The following CACNA1G variants were observed in gnomAD, a reference collection of about 807,000 sequenced individuals.
CACNA1G encodes the protein calcium voltage-gated channel subunit alpha1 G, also known as voltage-dependent T-type calcium channel subunit alpha-1G.
In CACNA1G, 67 loss-of-function variants were observed where a neutral mutation model predicts 219.4. The observed-to-expected ratio is 0.31, with a 90% CI of 0.25 to 0.37. The LOEUF (loss-of-function observed/expected upper bound fraction) is 0.37, where lower values mean the gene tolerates loss of function less well. CACNA1G is among the 10% of genes least tolerant of loss of function. The probability of loss-of-function intolerance (pLI) is 1.00; values close to 1 mark genes in which losing one functional copy is unlikely to be tolerated. For synonymous variants in CACNA1G, 1,296 were observed against 1,345.3 expected (o/e 0.96, Z 0.80); for missense variants, 2,380 against 3,231.4 (o/e 0.74, Z 6.39).
At chr17:50,569,394 G>A in intron 3 of CACNA1G, 96 bp downstream of exon 3, 1 of 1,311,838 alleles carries the variant, frequency 7.6e-7, no homozygotes, top group South Asian at 1.3e-5. Flanking sequence ...CTCCAGCCCA[G>A]TTACAGCACC....
At chr17:50,586,330 C>G (rs536301307) in intron 9 of CACNA1G, among the ~76,000 whole-genome samples, 1 of 152,158 alleles carries the variant, frequency 6.6e-6, no homozygotes, top group African/African-American at 2.4e-5. Context: ...GACCTTGTAG[C>G]CTTCTCTCCC....
At position 50,561,566 on chromosome 17, in the gene CACNA1G, C is replaced by T; in HGVS notation, c.107C>T (p.Ser36Leu). 1 of 1,550,408 alleles carries T rather than the reference C, an allele frequency of 6.4e-7. No individual in the cohort carries two copies. Among genetic ancestry groups the T allele is most frequent in the South Asian group, 1.2e-5 (1 of 84,718 alleles). ...SGAGGRPGPG[S>L]AEKDPGSADS... is the part of the protein sequence containing the mutation. ...GCCGGGGGCCGGCCGGGGCCGGGGTCAGCAGAAAAGGACCCGGGCAGCGCG... is the reference window on the plus strand; with the variant it reads ...GCCGGGGGCCGGCCGGGGCCGGGGTTAGCAGAAAAGGACCCGGGCAGCGCG... Residue 36 changes from serine (S) to leucine (L), a missense_variant, in exon 1 of 38, where the codon TCA becomes TTA. Physicochemically the swap from Ser to Leu is moderately radical, Grantham distance 145. This residue lies in a region of CACNA1G where 98 missense variants were observed against 85.5 expected (regional missense o/e 1.15). Transcript: ENST00000359106.
At chr17:50,579,954 C>A (rs2041574480) in intron 9 of CACNA1G, among the ~76,000 whole-genome samples, 1 of 152,140 alleles carries the variant, frequency 6.6e-6, no homozygotes, top group South Asian at 2.1e-4. Flanking sequence ...CCCGCCCCCA[C>A]ACCACTGACC....
rs60134952 is a variant in CACNA1G at position 50,592,089 on chromosome 17, G to A, written c.2907G>A (p.Ala969=). Residue 969 remains alanine (A), a synonymous_variant, in exon 13 of 38, where the codon GCG becomes GCA. Transcript: ENST00000359106. Reference sequence around the variant, plus strand: ...CCATTCTGGTGGAGGGCTTCCAGGCGGAGGTAACCCACTGCTCTGCCCACC... The same window carrying A: ...CCATTCTGGTGGAGGGCTTCCAGGCAGAGGTAACCCACTGCTCTGCCCACC... ...LVAILVEGFQ[A]EEISKREDAS... is the part of the protein sequence containing the mutation. The A allele has an allele frequency of 5.2e-4, 842 of 1,611,608 alleles. 7 individuals are homozygous for A. The African/African-American group carries it at 9.6e-3, about 18-fold the overall frequency.
Position 50,561,687 on chromosome 17 carries a change from C to T in CACNA1G, c.228C>T (p.Arg76=), listed in dbSNP as rs1307673933. 1 of 1,602,304 alleles carries T rather than the reference C, an allele frequency of 6.2e-7. No homozygotes were observed. The highest frequency in any genetic ancestry group is 1.7e-5 in the Admixed American group (1 of 59,680). The change falls in exon 1 of 38, where the codon CGC becomes CGT. Residue 76 remains arginine, a synonymous_variant. Coordinates refer to ENST00000359106, the MANE Select transcript of CACNA1G (RefSeq NM_018896.5). ...GCCGCCCGCGGAGCTGGTGTCTCCG[C>T]ACGGTCTGTAACCCATATCCTTCGG... ...QDSRPRSWCL[R]TVCNPWFERI... is the part of the protein sequence containing the mutation.
Position 50,601,182 on chromosome 17 carries a change from A to G in CACNA1G, c.3915+8A>G. 6.2e-7 allele frequency: 1 copy of G among 1,613,430 alleles called. No individual in the cohort carries two copies. Among genetic ancestry groups the G allele is most frequent in the Non-Finnish European group, 8.5e-7 (1 of 1,179,810 alleles). On this transcript the variant is annotated splice_region_variant and intron_variant, in intron 19 of 37. Transcript: ENST00000359106. Reference sequence around the variant, plus strand: ...ATTGACCCCCACAGCGCTGTGAGTCACCAGCCCCGCTCAGGGCAAGGCCTC... The same window carrying G: ...ATTGACCCCCACAGCGCTGTGAGTCGCCAGCCCCGCTCAGGGCAAGGCCTC...
At chr17:50,574,255 A>T (rs1009457134) in intron 7 of CACNA1G, among the ~76,000 whole-genome samples, 1 of 152,232 alleles carries the variant, frequency 6.6e-6, no homozygotes, top group Non-Finnish European at 1.5e-5. Flanking sequence ...GAGGCCAACG[A>T]CAGAGCCAGA....
At chr17:50,615,324 C>G in intron 26 of CACNA1G, 37 bp from the exon 27 acceptor site, 2 of 1,527,572 alleles carry the variant, frequency 1.3e-6, no homozygotes, top group Non-Finnish European at 1.8e-6. Context: ...GGGGCAGGGG[C>G]CTGACGCTTG....
Position 50,626,061 on chromosome 17 carries a change from C to T in CACNA1G, c.6444C>T (p.Ser2148=). The change falls in exon 38 of 38, where the codon AGC becomes AGT. Residue 2148 remains serine (S), a synonymous_variant. Transcript: ENST00000359106. The surrounding 1 kb of genome is among the most constrained non-coding windows in gnomAD (Gnocchi z 4.3). Reference sequence around the variant, plus strand: ...CCTTGGACGTTCAGGGTCTGGGCAGCCGGGAAGACCTGCTGGCAGAGGTGA... The same window carrying T: ...CCTTGGACGTTCAGGGTCTGGGCAGTCGGGAAGACCTGCTGGCAGAGGTGA... ...TDSLDVQGLG[S]REDLLAEVSG... 1.9e-6 allele frequency: 3 copies of T among 1,613,316 alleles called. No homozygotes were observed. The highest frequency in any genetic ancestry group is 1.3e-5 in the African/African-American group (1 of 75,012).
chr17:50,561,066 C>T lies in CACNA1G; in HGVS notation c.-394C>T, dbSNP rs749394192. 1.8e-5 allele frequency: 7 copies of T among 390,346 alleles called. No individual in the cohort carries two copies. The highest frequency in any genetic ancestry group is 3.7e-5 in the South Asian group (2 of 54,402). 24.2% of individuals were successfully genotyped at this position (390,346 alleles called of 1,614,324 possible). ...GAAGAGGGGGCGCCCCTCCCCGGACCCCCGCCCTCCGCCGCTGCCCCCCTT... is the reference window on the plus strand; with the variant it reads ...GAAGAGGGGGCGCCCCTCCCCGGACTCCCGCCCTCCGCCGCTGCCCCCCTT... On this transcript the variant is annotated 5_prime_UTR_variant, in exon 1 of 38. Transcript: ENST00000359106.
At chr17:50,611,581 G>C (rs1048499223) in intron 26 of CACNA1G, among the ~76,000 whole-genome samples, 1 of 152,202 alleles carries the variant, frequency 6.6e-6, no homozygotes, top group African/African-American at 2.4e-5. Context: ...TTTGTGTCTG[G>C]ATTGCCAGGG....
chr17:50,626,925 G>A lies in CACNA1G; in HGVS notation c.*174G>A, dbSNP rs1247540229. On this transcript the variant is annotated 3_prime_UTR_variant, in exon 38 of 38. Transcript: ENST00000359106. This position sits in a 1 kb window ranked among gnomAD's most constrained non-coding sequence, Gnocchi z 4.3. ...GCAGAACTTCCAAAGAGAGTTAAAAGCAGCAGCCCCGGCAACTCTGGCTCC... is the reference window on the plus strand; with the variant it reads ...GCAGAACTTCCAAAGAGAGTTAAAAACAGCAGCCCCGGCAACTCTGGCTCC... 1 of 855,448 alleles carries A rather than the reference G, an allele frequency of 1.2e-6. No homozygotes were observed. The highest frequency in any genetic ancestry group is 1.7e-5 in the African/African-American group (1 of 60,232). The allele number at this position is 855,448 out of a possible 1,614,324, so 53.0% of individuals were successfully genotyped here.
chr17:50,590,291 G>A (rs1350516342), intron 9 of CACNA1G, among the ~76,000 whole-genome samples, 180 bp from the exon 10 acceptor site: 2 of 152,204 alleles, frequency 1.3e-5, no homozygotes, highest in Non-Finnish European at 2.9e-5. Flanking sequence ...CCTGCCCCTG[G>A]GTGCATTTCC....
intron 35 of CACNA1G, among the ~76,000 whole-genome samples, chr17:50,623,263 ATTTTTTTTTTTTTTT>A (rs35058899): frequency 5.9e-5 from 3 of 50,978 alleles, no homozygotes; most frequent in Non-Finnish European, 9.5e-5. Context: ...TATCCAGCTA[ATTTTTTTTTTTTTTT>A]TTTTTTTTTT....
At chr17:50,579,602 C>T (rs540193481) in intron 9 of CACNA1G, among the ~76,000 whole-genome samples, 14 of 152,266 alleles carry the variant, frequency 9.2e-5, no homozygotes, top group African/African-American at 3.4e-4. Context: ...GCAGGTGCTG[C>T]AGTTCACGGT....
chr17:50,598,543 T>C (rs192665788), intron 16 of CACNA1G, among the ~76,000 whole-genome samples: 1 of 152,370 alleles, frequency 6.6e-6, no homozygotes, highest in East Asian at 1.9e-4. Flanking sequence ...TTTTCCATAA[T>C]GGCTGTATTA....
chr17:50,570,640 G>A (rs994867293), intron 4 of CACNA1G, among the ~76,000 whole-genome samples: 7 of 150,880 alleles, frequency 4.6e-5, no homozygotes, highest in Non-Finnish European at 8.8e-5. Context: ...GTCCTCTGGG[G>A]CTCGGGGTGT....
intron 1 of CACNA1G, among the ~76,000 whole-genome samples, chr17:50,566,186 C>G (rs2037789691): frequency 6.6e-6 from 1 of 152,122 alleles, no homozygotes; most frequent in Non-Finnish European, 1.5e-5. Context: ...ATTACCATGA[C>G]AACAAATCCA....
chr17:50,601,019 C>G lies in CACNA1G; in HGVS notation c.3792-32C>G, dbSNP rs563747779. The G allele has an allele frequency of 4.2e-5, 68 of 1,607,938 alleles. No individual in the cohort carries two copies. In the East Asian group the frequency reaches 1.5e-3, roughly 35 times the overall value. ...TCTCGTTGCCACCTGCCCTGCCTCCCCCTCTCAGCCGTTGCCTCCATGCCT... is the reference window on the plus strand; with the variant it reads ...TCTCGTTGCCACCTGCCCTGCCTCCGCCTCTCAGCCGTTGCCTCCATGCCT... On this transcript the variant is annotated intron_variant, in intron 18 of 37. Transcript: ENST00000359106.
Sources: gnomAD v4.1 joint callset for allele counts (sites outside exome capture counted in the v4.1 genomes callset) on GRCh38, gnomAD v4.1.1 for gene constraint, gnomAD v4.1.1 regional missense constraint, Gnocchi (gnomAD v3.1) non-coding constraint, MANE v1.5 for transcripts, NCBI Gene and HGNC (gene_info 2026-07-23, HGNC 2026-07-21) for gene names.